NAV1: variants seen among roughly 807,000 people sequenced by gnomAD.
NAV1 encodes neuron navigator 1, also known as pore membrane and/or filament interacting like protein 3.
A neutral mutation model predicts 175.2 loss-of-function variants in NAV1; 18 were observed. The ratio of observed to expected loss-of-function variants is 0.10; its 90% CI spans 0.07 to 0.15. The LOEUF is 0.15. Among genes scored for constraint, NAV1 ranks in the 10% least tolerant of loss-of-function variants. NAV1 has a pLI of 1.00. For synonymous variants in NAV1, 897 were observed against 978.7 expected (o/e 0.92, Z 1.56); for missense variants, 1,731 against 2,436.6 (o/e 0.71, Z 6.10).
chr1:201,773,061 T>G (rs952002540), intron 3 of NAV1, among the ~76,000 whole-genome samples: 1 of 151,918 alleles, frequency 6.6e-6, no homozygotes, highest in Non-Finnish European at 1.5e-5. Flanking sequence ...ACTAGGAGCT[T>G]GATGACTGTT....
At chr1:201,625,754 G>T (rs1324249698) in intron 1 of NAV1, among the ~76,000 whole-genome samples, 1 of 152,210 alleles carries the variant, frequency 6.6e-6, no homozygotes, top group Non-Finnish European at 1.5e-5. Context: ...TGGGAAAAGT[G>T]TCTAGGCATT....
At chr1:201,732,065 A>G (rs371943955) in intron 3 of NAV1, among the ~76,000 whole-genome samples, 2 of 151,164 alleles carry the variant, frequency 1.3e-5, no homozygotes, top group East Asian at 1.9e-4. Context: ...CTGATCAGAT[A>G]CCCCTGAAGT....
chr1:201,648,617 T>TC lies in NAV1; in HGVS notation c.-46dup, dbSNP rs1308950429. 1 of 1,073,260 alleles carries TC rather than the reference T, an allele frequency of 9.3e-7. No homozygotes were observed. The highest frequency in any genetic ancestry group is 1.2e-6 in the Non-Finnish European group (1 of 855,860). 66.5% of individuals were successfully genotyped at this position (1,073,260 alleles called of 1,614,324 possible). On this transcript the variant is annotated 5_prime_UTR_variant, in exon 1 of 30. Transcript: ENST00000367296. ...TCCTGCGCTCCCGCCCCCTGCCCCC[T>TC]CCCCCCGTGCCTGCAGACGCGCGGA...
At chr1:201,638,200 G>C (rs559830775) in intron 2 of NAV1, among the ~76,000 whole-genome samples, 12 of 152,090 alleles carry the variant, frequency 7.9e-5, no homozygotes, top group East Asian at 7.7e-4. Flanking sequence ...AACCCCCAAG[G>C]CTTGACATTA....
At chr1:201,802,249 G>A (rs1339380141) in intron 15 of NAV1, among the ~76,000 whole-genome samples, 1 of 137,452 alleles carries the variant, frequency 7.3e-6, no homozygotes, top group Non-Finnish European at 1.5e-5. Context: ...AGGTTGCAGT[G>A]AGCCAAGATC....
At chr1:201,722,207 A>C (rs1218783637) in intron 3 of NAV1, among the ~76,000 whole-genome samples, 2 of 152,172 alleles carry the variant, frequency 1.3e-5, no homozygotes, top group Non-Finnish European at 2.9e-5. Context: ...CATCTCCAGA[A>C]TTCTGTCTTC....
At chr1:201,621,467 G>A (rs1668169311), upstream of NAV1, among the ~76,000 whole-genome samples, 1 of 151,454 alleles carries the variant, frequency 6.6e-6, no homozygotes, top group Non-Finnish European at 1.5e-5. Flanking sequence ...CCAAGTAGCT[G>A]GGATTACAGG....
chr1:201,650,676 C>T (rs564666343), intron 1 of NAV1, among the ~76,000 whole-genome samples: 2 of 152,146 alleles, frequency 1.3e-5, no homozygotes, highest in African/African-American at 2.4e-5. Flanking sequence ...CTGCAGTCTT[C>T]CTAGGAACCC....
In NAV1 at chr1:201,810,435, C is replaced by T. The variant is rs1187892376; in HGVS notation, c.4562-88C>T. On this transcript the variant is annotated intron_variant, in intron 23 of 29. Coordinates refer to ENST00000367296, the Ensembl canonical transcript of NAV1. The surrounding 1 kb of genome is among the most constrained non-coding windows in gnomAD (Gnocchi z 6.0). ...TGGCTCTGAGTTTCTTCAGGGGGCT[C>T]CTAGATAAAGAAAGAAAAGCCCTTT... 3 of 1,275,982 alleles carry T rather than the reference C, an allele frequency of 2.4e-6. No homozygotes were observed. Among genetic ancestry groups the T allele is most frequent in the East Asian group, 2.5e-5 (1 of 39,282 alleles). 79.0% of individuals were successfully genotyped at this position (1,275,982 alleles called of 1,614,324 possible).
intron 1 of NAV1, among the ~76,000 whole-genome samples, chr1:201,546,042 A>G (rs546787529): frequency 2.0e-5 from 3 of 152,220 alleles, no homozygotes; most frequent in African/African-American, 2.4e-5. Flanking sequence ...CAAGATACCA[A>G]CTGCTCTCTT....
At chr1:201,819,727 C>A (rs916973572) in intron 29 of NAV1, 110 bp from the exon 34 acceptor site, 4 of 871,008 alleles carry the variant, frequency 4.6e-6, no homozygotes, top group African/African-American at 3.3e-5. Flanking sequence ...TCAAGCTATC[C>A]TTCCACCTTG....
intron 1 of NAV1, among the ~76,000 whole-genome samples, chr1:201,683,958 G>T (rs897110266): frequency 1.3e-5 from 2 of 152,096 alleles, no homozygotes; most frequent in East Asian, 3.8e-4. Flanking sequence ...CATTCATTTA[G>T]ATCAGTATGT....
chr1:201,768,183 G>A (rs1391718269), intron 3 of NAV1, among the ~76,000 whole-genome samples: 1 of 152,076 alleles, frequency 6.6e-6, no homozygotes, highest in Non-Finnish European at 1.5e-5. Context: ...AAATTAGTCA[G>A]GTGTGGTGGT....
intron 2 of NAV1, among the ~76,000 whole-genome samples, chr1:201,617,247 TCA>T (rs143535007): frequency 2.7e-5 from 4 of 149,286 alleles, no homozygotes; most frequent in Non-Finnish European, 4.5e-5. Flanking sequence ...TCTCTGTCTG[TCA>T]CACACACACA....
chr1:201,606,282 T>C (rs570483603), intron 2 of NAV1, among the ~76,000 whole-genome samples: 1 of 152,220 alleles, frequency 6.6e-6, no homozygotes, highest in Non-Finnish European at 1.5e-5. Context: ...CCTCCTCTCC[T>C]GTGGGCAAAA....
chr1:201,759,205 C>T (rs56934373), intron 3 of NAV1, among the ~76,000 whole-genome samples: 3,941 of 152,226 alleles, frequency 0.026, 197 homozygotes, highest in African/African-American at 0.089. Context: ...AAAATGCATG[C>T]CCTTTTGTGT....
intron 3 of NAV1, among the ~76,000 whole-genome samples, chr1:201,738,027 G>A (rs1571916850): frequency 6.6e-6 from 1 of 152,208 alleles, no homozygotes; most frequent in East Asian, 1.9e-4. Context: ...GACATTACCA[G>A]AACAGGAGAG....
At chr1:201,562,810 G>C (rs960526925) in intron 1 of NAV1, among the ~76,000 whole-genome samples, 2 of 152,068 alleles carry the variant, frequency 1.3e-5, no homozygotes, top group Non-Finnish European at 2.9e-5. Flanking sequence ...GGAGGGGTGG[G>C]GCAGGCCCTG....
intron 1 of NAV1, among the ~76,000 whole-genome samples, chr1:201,576,523 T>G (rs959207998): frequency 9.9e-5 from 15 of 152,162 alleles, no homozygotes; most frequent in African/African-American, 3.4e-4. Flanking sequence ...GGAGGATCCC[T>G]TGAGCCCAGG....
Sources: allele counts gnomAD v4.1 joint callset (sites outside exome capture counted in the v4.1 genomes callset), GRCh38; gene constraint gnomAD v4.1.1; non-coding constraint Gnocchi (gnomAD v3.1); transcripts MANE v1.5; gene names NCBI Gene and HGNC (gene_info 2026-07-23, HGNC 2026-07-21).